PDE1A: variants seen among roughly 807,000 people sequenced by gnomAD.
The protein encoded by PDE1A is dual specificity calcium/calmodulin-dependent 3',5'-cyclic nucleotide phosphodiesterase 1A.
Under a neutral mutation model 61.7 loss-of-function variants are expected in PDE1A, and 35 were observed. The ratio of observed to expected loss-of-function variants is 0.57; its 90% CI spans 0.43 to 0.75. The LOEUF is 0.75. PDE1A is among the 30% of genes least tolerant of loss of function. The pLI, the probability that PDE1A is intolerant of heterozygous loss-of-function variation, is 0.00. For missense variants in PDE1A, 597 were observed against 630.6 expected (o/e 0.95, Z 0.57); for synonymous variants, 232 against 213.2 (o/e 1.09, Z -0.77).
chr2:182,179,545 T>G (rs1441646037), intron 13 of PDE1A, among the ~76,000 whole-genome samples: 1 of 152,044 alleles, frequency 6.6e-6, no homozygotes, highest in Non-Finnish European at 1.5e-5. Flanking sequence ...GAGAAGGAAA[T>G]AAATGATTAG....
intron 7 of PDE1A, among the ~76,000 whole-genome samples, chr2:182,215,683 C>T (rs1688108351): frequency 8.4e-6 from 1 of 119,212 alleles, no homozygotes; most frequent in South Asian, 3.0e-4. Flanking sequence ...GGATAAATTC[C>T]TCGACACATA....
chr2:182,305,533 T>C (rs922523463), intron 1 of PDE1A, among the ~76,000 whole-genome samples: 1 of 152,162 alleles, frequency 6.6e-6, no homozygotes, highest in Non-Finnish European at 1.5e-5. Context: ...AATTCAGTAC[T>C]GTATGCCTCT....
intron 13 of PDE1A, among the ~76,000 whole-genome samples, chr2:182,155,627 T>C (rs1196072): frequency 0.75 from 113,618 of 152,118 alleles, 42,712 homozygotes; most frequent in East Asian, 0.9. Flanking sequence ...CAGTGGCTCA[T>C]GCCTGTAATC....
chr2:182,286,626 C>T (rs13388735), intron 1 of PDE1A, among the ~76,000 whole-genome samples: 7,113 of 152,096 alleles, frequency 0.047, 507 homozygotes, highest in African/African-American at 0.16. Context: ...CTTCCATAGT[C>T]GCTGTATTCA....
chr2:182,442,568 T>G (rs765966773), intron 2 of PDE1A, among the ~76,000 whole-genome samples: 16 of 152,128 alleles, frequency 1.1e-4, no homozygotes, highest in Middle Eastern at 3.4e-3. Context: ...AATACATATT[T>G]AATTTTATTC....
the PDE1A span, among the ~76,000 whole-genome samples, chr2:182,561,889 T>A: frequency 1.1e-4 from 17 of 152,250 alleles, no homozygotes; most frequent in East Asian, 3.1e-3. Flanking sequence ...ATGCTTGTGA[T>A]TTTTGTACAT....
At chr2:182,423,422 G>A (rs186124542) in intron 1 of PDE1A, among the ~76,000 whole-genome samples, 16 of 152,154 alleles carry the variant, frequency 1.1e-4, no homozygotes, top group African/African-American at 3.1e-4. Context: ...TCCTAATATC[G>A]TAGCCAGCTA....
chr2:182,649,323 TA>T, the PDE1A span, among the ~76,000 whole-genome samples: 1 of 152,154 alleles, frequency 6.6e-6, no homozygotes, highest in African/African-American at 2.4e-5. Context: ...GAGCTATTCC[TA>T]ACACTTCAGT....
chr2:182,643,182 T>C, the PDE1A span, among the ~76,000 whole-genome samples: 4 of 152,360 alleles, frequency 2.6e-5, no homozygotes, highest in Admixed American at 2.0e-4. Flanking sequence ...TGCTTGCTTC[T>C]GCTCCTCCAG....
intron 1 of PDE1A, among the ~76,000 whole-genome samples, chr2:182,344,037 A>G (rs1372821255): frequency 2.0e-5 from 3 of 151,878 alleles, no homozygotes; most frequent in Non-Finnish European, 4.4e-5. Flanking sequence ...TGCCTGGCTA[A>G]TTTTTAATAT....
intron 2 of PDE1A, among the ~76,000 whole-genome samples, chr2:182,492,141 T>C (rs1475544192): frequency 6.6e-6 from 1 of 152,122 alleles, no homozygotes; most frequent in Non-Finnish European, 1.5e-5. Flanking sequence ...GATTTGTGAA[T>C]TTTTTTGTCC....
intron 2 of PDE1A, among the ~76,000 whole-genome samples, chr2:182,502,746 A>C (rs779863098): frequency 1.8e-4 from 28 of 152,116 alleles, no homozygotes; most frequent in Non-Finnish European, 3.5e-4. Context: ...TGGCAGCAAA[A>C]CTTGGCCAGA....
intron 2 of PDE1A, among the ~76,000 whole-genome samples, chr2:182,243,788 C>T (rs16822938): frequency 2.6e-5 from 4 of 152,064 alleles, no homozygotes; most frequent in South Asian, 4.1e-4. Flanking sequence ...TTTCAAAGAC[C>T]GTAATTGGTA....
chr2:182,634,765 T>G, the PDE1A span, among the ~76,000 whole-genome samples: 1 of 137,500 alleles, frequency 7.3e-6, no homozygotes, highest in Non-Finnish European at 1.6e-5. Context: ...AATGAATTGT[T>G]TTAACAGCAA....
At chr2:182,535,139 G>A in the PDE1A span, among the ~76,000 whole-genome samples, 3 of 151,952 alleles carry the variant, frequency 2.0e-5, no homozygotes, top group African/African-American at 7.3e-5. Context: ...TGCCCCATCA[G>A]TCTATTTTTA....
chr2:182,408,276 G>A (rs944154854), intron 1 of PDE1A, among the ~76,000 whole-genome samples: 1 of 150,504 alleles, frequency 6.6e-6, no homozygotes, highest in East Asian at 1.9e-4. Context: ...TGACATACCT[G>A]GACTACCCAT....
chr2:182,166,580 G>T (rs1691664461), downstream of PDE1A, among the ~76,000 whole-genome samples: 1 of 152,156 alleles, frequency 6.6e-6, no homozygotes, highest in Non-Finnish European at 1.5e-5. Context: ...TTTGGACTGA[G>T]CCAAGCCACC....
chr2:182,397,205 T>C (rs1209480611), intron 1 of PDE1A, among the ~76,000 whole-genome samples: 1 of 152,168 alleles, frequency 6.6e-6, no homozygotes, highest in East Asian at 1.9e-4. Context: ...TCAAAATATG[T>C]AGTAACAATA....
chr2:182,254,300 C>T (rs1691615795), intron 2 of PDE1A, among the ~76,000 whole-genome samples: 1 of 152,100 alleles, frequency 6.6e-6, no homozygotes, highest in Non-Finnish European at 1.5e-5. Context: ...TGAGAACAGC[C>T]TACAAACACA....
Sources: gnomAD v4.1 joint callset for allele counts (sites outside exome capture counted in the v4.1 genomes callset) on GRCh38, gnomAD v4.1.1 for gene constraint, MANE v1.5 for transcripts, NCBI Gene and HGNC (gene_info 2026-07-23, HGNC 2026-07-21) for gene names.